GSDMC: variants seen among roughly 807,000 people sequenced by gnomAD.
The protein encoded by GSDMC is gasdermin-C.
A neutral mutation model predicts 58.0 loss-of-function variants in GSDMC; 59 were observed. The ratio of observed to expected loss-of-function variants is 1.02; its 90% CI spans 0.82 to 1.26. The LOEUF is 1.26. GSDMC is among the 50% of genes most tolerant of loss of function. The pLI, the probability that GSDMC is intolerant of heterozygous loss-of-function variation, is 0.00. For synonymous variants in GSDMC, 241 were observed against 220.2 expected (o/e 1.09, Z -0.83); for missense variants, 659 against 598.5 (o/e 1.10, Z -1.06).
chr8:129,776,928 ATT>A (rs113296045), intron 2 of GSDMC, among the ~76,000 whole-genome samples: 33 of 147,126 alleles, frequency 2.2e-4, no homozygotes, highest in Admixed American at 6.1e-4. Context: ...TGCCTGGATA[ATT>A]TTTTTTTTTT....
At chr8:129,751,974 C>T (rs2033216565) in intron 8 of GSDMC, 83 bp from the exon 9 acceptor site, 4 of 1,482,866 alleles carry the variant, frequency 2.7e-6, no homozygotes, top group Non-Finnish European at 2.8e-6. Flanking sequence ...CCCTGAACCA[C>T]TCTTCTCTAT....
chr8:129,756,693 T>A (rs893570617), intron 6 of GSDMC, among the ~76,000 whole-genome samples: 1 of 152,092 alleles, frequency 6.6e-6, no homozygotes, highest in Non-Finnish European at 1.5e-5. Context: ...AATATTGAAA[T>A]AATATCAGCC....
At chr8:129,759,512 T>C (rs1324415860) in intron 6 of GSDMC, among the ~76,000 whole-genome samples, 1 of 152,114 alleles carries the variant, frequency 6.6e-6, no homozygotes, top group Non-Finnish European at 1.5e-5. Flanking sequence ...CAAATGACTA[T>C]ATAGAAATAA....
chr8:129,785,821 C>G (rs190753710), intron 1 of GSDMC, among the ~76,000 whole-genome samples, 190 bp downstream of exon 1: 1 of 151,688 alleles, frequency 6.6e-6, no homozygotes, highest in African/African-American at 2.4e-5. Context: ...AATAATGTAT[C>G]GAAGATATAT....
the GSDMC span, chr8:129,706,730 A>C: frequency 6.6e-6 from 1 of 152,222 alleles, no homozygotes; most frequent in Non-Finnish European, 1.5e-5. Context: ...TGGAGGAAAA[A>C]TATCAGTTAA....
chr8:129,781,144 GA>G (rs1250943597), intron 1 of GSDMC, among the ~76,000 whole-genome samples: 1 of 151,562 alleles, frequency 6.6e-6, no homozygotes, highest in Non-Finnish European at 1.5e-5. Flanking sequence ...AAAACAACCA[GA>G]AAACAAAAAA....
intron 6 of GSDMC, among the ~76,000 whole-genome samples, chr8:129,757,619 A>G (rs1220430732): frequency 6.6e-6 from 1 of 152,172 alleles, no homozygotes; most frequent in Non-Finnish European, 1.5e-5. Flanking sequence ...AAGAAACCCT[A>G]TAGGCAATAT....
At chr8:129,774,218 A>G (rs528721379) in intron 3 of GSDMC, among the ~76,000 whole-genome samples, 2 of 152,322 alleles carry the variant, frequency 1.3e-5, no homozygotes, top group Admixed American at 6.5e-5. Flanking sequence ...AACTAGTGGA[A>G]TCAAGTAGAG....
intron 1 of GSDMC, among the ~76,000 whole-genome samples, chr8:129,778,413 G>A (rs181058974): frequency 8.5e-5 from 13 of 152,202 alleles, no homozygotes; most frequent in Admixed American, 8.5e-4. Context: ...ATAAGCAGAA[G>A]AGTGAAAATG....
chr8:129,765,833 A>G, intron 3 of GSDMC, 40 bp from the exon 4 acceptor site: 2 of 1,572,418 alleles, frequency 1.3e-6, no homozygotes, highest in Non-Finnish European at 1.7e-6. Context: ...CAGAGTGGGA[A>G]AGTGATGGCT....
Position 129,752,150 on chromosome 8 carries a change from G to A in GSDMC, c.845-3C>T, listed in dbSNP as rs755571989. 4 of 1,611,506 alleles carry A rather than the reference G, an allele frequency of 2.5e-6. No homozygotes were observed. The highest frequency in any genetic ancestry group is 2.7e-5 in the African/African-American group (2 of 74,864). Reference sequence around the variant, plus strand: ...AAATTGCTGTGTCAGAAATAGCTCTGGAAAGAGAAAGAAAAGTGTTTACTC... The same window carrying A: ...AAATTGCTGTGTCAGAAATAGCTCTAGAAAGAGAAAGAAAAGTGTTTACTC... On this transcript the variant is annotated splice_region_variant and splice_polypyrimidine_tract_variant and intron_variant, in intron 7 of 13. Coordinates refer to ENST00000276708, the MANE Select transcript of GSDMC (RefSeq NM_031415.3).
At chr8:129,755,099 A>T (rs971386571) in intron 6 of GSDMC, among the ~76,000 whole-genome samples, 1 of 152,206 alleles carries the variant, frequency 6.6e-6, no homozygotes, top group African/African-American at 2.4e-5. Context: ...AGATACCAAC[A>T]TTCAAGTACA....
In GSDMC at chr8:129,782,586, C is replaced by T. The variant is rs149610164; in HGVS notation, c.-5+3425G>A. Among the ~76,000 whole-genome samples, 72 of 152,180 alleles carry T rather than the reference C, an allele frequency of 4.7e-4. No individual in the cohort carries two copies. The South Asian group carries it at 8.1e-3, about 17-fold the overall frequency. The stretch of plus-strand genomic sequence containing the variant: ...TTGGCAGCTACTATGAGCAACTATA[C>T]ACCAATAAATTGGAAAATCTAGAGG... On this transcript the variant is annotated intron_variant, in intron 1 of 13. Transcript: ENST00000276708.
intron 8 of GSDMC, 43 bp from the exon 9 acceptor site, chr8:129,751,934 C>G (rs1404879304): frequency 6.3e-7 from 1 of 1,588,784 alleles, no homozygotes; most frequent in African/African-American, 1.3e-5. Flanking sequence ...GGCTCAAAGA[C>G]TAGATTTCTC....
chr8:129,729,233 C>T, the GSDMC span: 1 of 641,106 alleles, frequency 1.6e-6, no homozygotes, highest in African/African-American at 1.8e-5. Context: ...GGAATATTTT[C>T]CAAGTGAAAT....
chr8:129,782,366 G>C (rs1367678359), intron 1 of GSDMC, among the ~76,000 whole-genome samples: 1 of 152,022 alleles, frequency 6.6e-6, no homozygotes, highest in East Asian at 1.9e-4. Context: ...ATAATGATCA[G>C]AGCAGAAATA....
the GSDMC span, among the ~76,000 whole-genome samples, chr8:129,722,160 A>G: frequency 6.6e-6 from 1 of 152,204 alleles, no homozygotes; most frequent in Non-Finnish European, 1.5e-5. Context: ...GATACATTTG[A>G]TTATTTCTTC....
the GSDMC span, among the ~76,000 whole-genome samples, chr8:129,721,115 G>C: frequency 6.6e-6 from 1 of 152,110 alleles, no homozygotes; most frequent in Non-Finnish European, 1.5e-5. Flanking sequence ...TCCTAAACCT[G>C]GGTCTTCCAA....
chr8:129,748,467 A>T lies in GSDMC; in HGVS notation c.*34T>A. Reference sequence around the variant, plus strand: ...TCACAGCATAGACTGGGCGAGGGCCAGCATCTCTGGACTGACTGCCCATCA... The same window carrying T: ...TCACAGCATAGACTGGGCGAGGGCCTGCATCTCTGGACTGACTGCCCATCA... On this transcript the variant is annotated 3_prime_UTR_variant, in exon 14 of 14. Coordinates refer to ENST00000276708, the MANE Select transcript of GSDMC (RefSeq NM_031415.3). The T allele has an allele frequency of 6.4e-7, 1 of 1,566,200 alleles. No homozygotes were observed. Among genetic ancestry groups the T allele is most frequent in the Non-Finnish European group, 8.6e-7 (1 of 1,158,620 alleles).
Sources: gnomAD v4.1 joint callset for allele counts (sites outside exome capture counted in the v4.1 genomes callset) on GRCh38, gnomAD v4.1.1 for gene constraint, MANE v1.5 for transcripts, NCBI Gene and HGNC (gene_info 2026-07-23, HGNC 2026-07-21) for gene names.